The following PRH1 variants were observed in gnomAD, a reference collection of about 807,000 sequenced individuals.
The protein encoded by PRH1 is salivary acidic proline-rich phosphoprotein 1/2.
PRH1 carries 7 observed loss-of-function variants against 7.9 expected under a neutral mutation model. The ratio of observed to expected loss-of-function variants is 0.89; its 90% CI spans 0.50 to 1.67. The LOEUF is 1.67. Ranked by LOEUF, PRH1 falls within the 40% of genes most tolerant of loss-of-function variation. PRH1 has a pLI of 0.00. For synonymous variants in PRH1, 45 were observed against 80.8 expected, an observed-to-expected ratio of 0.56 and a Z score of 2.38; for missense variants, 109 against 223.6, an observed-to-expected ratio of 0.49 and a Z score of 3.27.
chr12:10,997,873 C>G (rs1455695679), intron 1 of PRH1: 1 of 1,568,840 alleles, frequency 6.4e-7, no homozygotes. Context: ...GAAAACTCAT[C>G]ATGTCTAAAC....
At chr12:11,171,214 C>G (rs1316371346) in intron 1 of PRH1, 1 of 459,072 alleles carries the variant, frequency 2.2e-6, no homozygotes, top group African/African-American at 2.0e-5. Context: ...CGCACTGCAC[C>G]GAGCGGCGGC....
rs201985014 is a variant in PRH1, at chr12:11,040,673, G to A, written c.-126+6347C>T. Among the ~76,000 whole-genome samples the A allele has an allele frequency of 3.9e-5, 6 of 152,246 alleles. No homozygotes were observed. The East Asian group carries it at 7.7e-4, about 20-fold the overall frequency. On this transcript the variant is annotated intron_variant, in intron 1 of 3. Transcript: ENST00000539853. The stretch of plus-strand genomic sequence containing the variant: ...ATGTATACCTATGTAACAACCCTGC[G>A]TGTTCTGCACATGTACCCCAGAACT...
intron 1 of PRH1, chr12:10,986,038 C>T (rs773468628): frequency 7.4e-6 from 12 of 1,613,940 alleles, no homozygotes; most frequent in South Asian, 6.6e-5. Flanking sequence ...ATGAATGAGT[C>T]GAATGCAAGA....
intron 2 of PRH1, among the ~76,000 whole-genome samples, chr12:10,925,906 A>G (rs1013982682): frequency 3.3e-5 from 5 of 152,198 alleles, no homozygotes; most frequent in African/African-American, 1.2e-4. Context: ...AAGTCATGTC[A>G]TCTATAAAAC....
At chr12:10,983,195 G>A (rs1189563064) in intron 1 of PRH1, among the ~76,000 whole-genome samples, 1 of 152,204 alleles carries the variant, frequency 6.6e-6, no homozygotes, top group Non-Finnish European at 1.5e-5. Context: ...ATTAGTGGAA[G>A]ACTATTCCTT....
At chr12:11,127,555 G>A (rs2136345351) in intron 1 of PRH1, among the ~76,000 whole-genome samples, 1 of 152,308 alleles carries the variant, frequency 6.6e-6, no homozygotes, top group African/African-American at 2.4e-5. Context: ...CTTGAAAACT[G>A]GTTACTGCTA....
At chr12:11,017,589 A>G (rs200289939) in intron 1 of PRH1, among the ~76,000 whole-genome samples, 3 of 152,060 alleles carry the variant, frequency 2.0e-5, no homozygotes, top group Non-Finnish European at 4.4e-5. Flanking sequence ...GGTTCAATCA[A>G]TTCAAATCCT....
intron 2 of PRH1, among the ~76,000 whole-genome samples, chr12:10,923,050 G>C (rs1185148554): frequency 2.0e-5 from 3 of 149,070 alleles, no homozygotes; most frequent in Admixed American, 6.7e-5. Context: ...GGATGGTCTC[G>C]ATCTCCTGAC....
chr12:10,987,351 T>C (rs777070745), intron 1 of PRH1, among the ~76,000 whole-genome samples: 21 of 152,096 alleles, frequency 1.4e-4, no homozygotes, highest in Non-Finnish European at 2.2e-4. Flanking sequence ...ATAACTAGGA[T>C]CACCACCATA....
intron 1 of PRH1, among the ~76,000 whole-genome samples, chr12:11,130,193 G>A (rs1946290388): frequency 6.6e-6 from 1 of 152,128 alleles, no homozygotes; most frequent in African/African-American, 2.4e-5. Context: ...ACAATAATCA[G>A]GAAATGGCAA....
chr12:10,929,277 C>A (rs767483741), intron 2 of PRH1: 2 of 1,614,194 alleles, frequency 1.2e-6, no homozygotes, highest in South Asian at 2.2e-5. Context: ...CTGCAAGATG[C>A]TTCTGATTCT....
intron 1 of PRH1, among the ~76,000 whole-genome samples, chr12:11,000,607 A>C (rs1450840): frequency 0.3 from 46,318 of 151,950 alleles, 8,915 homozygotes; most frequent in East Asian, 0.74. Context: ...GGATTAATAC[A>C]TTTTATCACT....
intron 2 of PRH1, among the ~76,000 whole-genome samples, chr12:10,898,755 T>C (rs1425861625): frequency 6.6e-6 from 1 of 152,224 alleles, no homozygotes; most frequent in African/African-American, 2.4e-5. Context: ...AGGTGATGTC[T>C]GAACAAAGAC....
chr12:11,156,803 A>G (rs1760058115), intron 1 of PRH1, among the ~76,000 whole-genome samples: 1 of 151,814 alleles, frequency 6.6e-6, no homozygotes, highest in African/African-American at 2.4e-5. Context: ...AATACCAATA[A>G]TTCTCTTCTT....
intron 2 of PRH1, chr12:10,939,250 G>A: frequency 8.5e-7 from 1 of 1,176,978 alleles, no homozygotes; most frequent in Non-Finnish European, 1.2e-6. Flanking sequence ...CACTGCTGAA[G>A]ACTTCTTAAT....
chr12:11,021,992 AT>A (rs1481767215), intron 1 of PRH1: 35 of 1,594,140 alleles, frequency 2.2e-5, no homozygotes, highest in Non-Finnish European at 2.9e-5. Context: ...AGCAGAAAAC[AT>A]ATTAGGCTCA....
intron 1 of PRH1, among the ~76,000 whole-genome samples, chr12:11,009,549 T>C (rs12826241): frequency 6.6e-6 from 1 of 151,998 alleles, no homozygotes; most frequent in Non-Finnish European, 1.5e-5. Context: ...CAGTGTCTCT[T>C]ACCCTCCAGC....
intron 1 of PRH1, among the ~76,000 whole-genome samples, chr12:11,009,570 T>C (rs188142842): frequency 1.6e-4 from 25 of 152,146 alleles, no homozygotes; most frequent in Admixed American, 5.2e-4. Context: ...CTTGTATTTT[T>C]CTGGAGTTGT....
chr12:11,152,962 AT>A (rs1234734510), intron 1 of PRH1, among the ~76,000 whole-genome samples: 1 of 152,200 alleles, frequency 6.6e-6, no homozygotes, highest in Non-Finnish European at 1.5e-5. Flanking sequence ...GTTGTCTGGT[AT>A]TAGTTGTCTC....
Sources: gnomAD v4.1 joint callset for allele counts (sites outside exome capture counted in the v4.1 genomes callset) on GRCh38, gnomAD v4.1.1 for gene constraint, MANE v1.5 for transcripts, NCBI Gene and HGNC (gene_info 2026-07-23, HGNC 2026-07-21) for gene names.